The following CEACAM20 variants were observed in gnomAD, a reference collection of about 807,000 sequenced individuals.
The protein encoded by CEACAM20 is CEA cell adhesion molecule 20, also known as cell adhesion molecule CEACAM20.
A neutral mutation model predicts 61.2 loss-of-function variants in CEACAM20; 50 were observed. That is an observed-to-expected ratio of 0.82 (90% CI 0.65 to 1.03). The LOEUF is 1.03. Among genes scored for constraint, CEACAM20 ranks in the 50% least tolerant of loss-of-function variants. The probability of loss-of-function intolerance (pLI) is 0.00; values close to 1 mark genes in which losing one functional copy is unlikely to be tolerated. For missense variants in CEACAM20, 683 were observed against 736.4 expected (o/e 0.93, Z 0.84); for synonymous variants, 282 against 287.7 (o/e 0.98, Z 0.20).
rs1390879522 is a variant in CEACAM20 at position 44,524,038 on chromosome 19, A to G, written c.420T>C (p.Ala140=). ...REDSGTYQCE[A]RDALLSQRSD... is the part of the protein sequence containing the mutation. Reference sequence around the variant, plus strand: ...TCCTCTGGCTCAGAAGGGCATCTCGAGCTTCACATTGGTAAGTCCCTGAGT... The same window carrying G: ...TCCTCTGGCTCAGAAGGGCATCTCGGGCTTCACATTGGTAAGTCCCTGAGT... Residue 140 remains alanine, a synonymous_variant, in exon 3 of 12, where the codon GCT becomes GCC. Transcript: ENST00000614924. 16 of 1,559,098 alleles carry G rather than the reference A, an allele frequency of 1.0e-5. No individual in the cohort carries two copies. Among genetic ancestry groups the G allele is most frequent in the African/African-American group, 1.4e-5 (1 of 73,814 alleles).
intron 5 of CEACAM20, among the ~76,000 whole-genome samples, chr19:44,518,165 AG>A (rs1971244809): frequency 3.2e-5 from 1 of 31,578 alleles, no homozygotes; most frequent in Non-Finnish European, 8.6e-5. Context: ...GAAGGAAGGA[AG>A]GAAGAAAGCA....
chr19:44,511,942 C>G (rs1971012281), intron 9 of CEACAM20, 75 bp downstream of exon 9: 1 of 1,375,754 alleles, frequency 7.3e-7, no homozygotes. Context: ...ATCATGCCAG[C>G]CCCCACCCTA....
chr19:44,508,974 G>A (rs1970896077), intron 11 of CEACAM20, among the ~76,000 whole-genome samples: 1 of 152,124 alleles, frequency 6.6e-6, no homozygotes, highest in Non-Finnish European at 1.5e-5. Context: ...ATGTGGGGAA[G>A]TAAATATCAT....
rs1971486744 is a variant in CEACAM20, at chr19:44,525,086, T to C, written c.196+15A>G. ...GGCAGAGATCAGAATGACCGTCTTGTTTTCTGGCCCCTACCTCTGGATCTG... is the reference window on the plus strand; with the variant it reads ...GGCAGAGATCAGAATGACCGTCTTGCTTTCTGGCCCCTACCTCTGGATCTG... On this transcript the variant is annotated intron_variant, in intron 2 of 11. Coordinates refer to ENST00000614924, the MANE Select transcript of CEACAM20 (RefSeq NM_001102597.3). 6.2e-7 allele frequency: 1 copy of C among 1,608,646 alleles called. No homozygotes were observed. The highest frequency in any genetic ancestry group is 1.1e-5 in the South Asian group (1 of 90,064).
chr19:44,506,801 C>G (rs1218531795), intron 11 of CEACAM20, among the ~76,000 whole-genome samples: 1 of 152,200 alleles, frequency 6.6e-6, no homozygotes, highest in Non-Finnish European at 1.5e-5. Flanking sequence ...CTTTGACTGG[C>G]ACCTTGATTA....
At position 44,511,649 on chromosome 19, in the gene CEACAM20, C is replaced by T. The variant is rs1170823184; in HGVS notation, c.1599G>A (p.Glu533=). 6.2e-7 allele frequency: 1 copy of T among 1,612,806 alleles called. No homozygotes were observed. The highest frequency in any genetic ancestry group is 1.3e-5 in the African/African-American group (1 of 74,922). ...AGGGCCAATGTACCTCATAGGTCTCCTCTGGAAGGTCTGGTGGTTGCATCT... is the reference window on the plus strand; with the variant it reads ...AGGGCCAATGTACCTCATAGGTCTCTTCTGGAAGGTCTGGTGGTTGCATCT... The part of the protein sequence containing the change: ...VELMQPPDLP[E]ETYETKLPSA... The change falls in exon 10 of 12, where the codon GAG becomes GAA. Residue 533 remains glutamate (E), a synonymous_variant. Coordinates refer to ENST00000614924, the MANE Select transcript of CEACAM20 (RefSeq NM_001102597.3).
In CEACAM20 at chr19:44,520,568, A is replaced by G. The variant is rs1175072974; in HGVS notation, c.936T>C (p.His312=). 1.9e-6 allele frequency: 3 copies of G among 1,614,020 alleles called. No individual in the cohort carries two copies. The highest frequency in any genetic ancestry group is 2.2e-5 in the East Asian group (1 of 44,872). The change falls in exon 5 of 12, where the codon CAT becomes CAC. Residue 312 remains histidine (H), a synonymous_variant. Transcript: ENST00000614924. ...LSADNRTLII[H]GLQRNDTGPY... is the part of the protein sequence containing the mutation. ...GCCCGGTGTCATTCCGCTGGAGGCC[A>G]TGGATGATTAGGGTCCTGTTGTCAG...
chr19:44,529,354 GCACACACACACACACA>G (rs71940010), intron 1 of CEACAM20, 88 bp downstream of exon 1: 114 of 660,178 alleles, frequency 1.7e-4, no homozygotes, highest in African/African-American at 3.5e-4. Flanking sequence ...TTCCTCGAGT[GCACACACACACACACA>G]CACACACACA....
chr19:44,510,532 A>AAAGG lies in CEACAM20; in HGVS notation c.1737+494_1737+497dup, dbSNP rs1173856801. ...TGTCTCAAAAAAAAAAAGAAAGATG[A>AAAGG]AAGGAAGGAAGGAAGGAAAGAAAGA... On this transcript the variant is annotated intron_variant, in intron 11 of 11. Transcript: ENST00000614924. Among the ~76,000 whole-genome samples the AAAGG allele has an allele frequency of 6.5e-3, 670 of 103,638 alleles. 27 individuals are homozygous for AAAGG. Among genetic ancestry groups the AAAGG allele is most frequent in the African/African-American group, 0.014 (406 of 29,082 alleles). The allele number at this position is 103,638 out of a possible 152,430, so 68.0% of individuals were successfully genotyped here. A position where few individuals can be genotyped will look rare whatever the true frequency, so the allele number is the denominator to read the frequency against.
At chr19:44,526,675 G>A (rs1251480394) in intron 1 of CEACAM20, among the ~76,000 whole-genome samples, 1 of 151,876 alleles carries the variant, frequency 6.6e-6, no homozygotes, top group Non-Finnish European at 1.5e-5. Flanking sequence ...ACAAGAGTTC[G>A]AGACCTGGTC....
chr19:44,516,324 G>A (rs911446336), intron 6 of CEACAM20, among the ~76,000 whole-genome samples: 9 of 152,152 alleles, frequency 5.9e-5, no homozygotes, highest in Non-Finnish European at 1.0e-4. Context: ...TAGGCATCAC[G>A]ATATGATTTG....
intron 1 of CEACAM20, among the ~76,000 whole-genome samples, chr19:44,528,162 C>T (rs1313825256): frequency 1.0e-5 from 1 of 96,116 alleles, no homozygotes; most frequent in African/African-American, 3.2e-5. Flanking sequence ...TCTTTCTTTT[C>T]TTTCTTTCCT....
intron 1 of CEACAM20, among the ~76,000 whole-genome samples, chr19:44,528,298 G>A (rs186643188): frequency 1.5e-4 from 23 of 150,120 alleles, no homozygotes; most frequent in Admixed American, 1.1e-3. Context: ...GCACAATCTC[G>A]GTTCACTGCA....
Position 44,517,010 on chromosome 19 carries a change from G to A in CEACAM20, c.1245C>T (p.Asn415=), listed in dbSNP as rs766937689. 6.3e-7 allele frequency: 1 copy of A among 1,597,608 alleles called. No homozygotes were observed. The highest frequency in any genetic ancestry group is 1.1e-5 in the South Asian group (1 of 88,124). Reference sequence around the variant, plus strand: ...CAGTGAGAGAGTTGGAGGCTGTGCAGTTGTAGATCCCGTCGTGTTCCCAGG... The same window carrying A: ...CAGTGAGAGAGTTGGAGGCTGTGCAATTGTAGATCCCGTCGTGTTCCCAGG... The part of the protein sequence containing the change: ...ALTWEHDGIY[N]CTASNSLTGL... The change falls in exon 6 of 12, where the codon AAC becomes AAT. Residue 415 remains asparagine, a synonymous_variant. Coordinates refer to ENST00000614924, the MANE Select transcript of CEACAM20 (RefSeq NM_001102597.3).
In CEACAM20 at chr19:44,512,873, C is replaced by A. The variant is rs750338712; in HGVS notation, c.1508G>T (p.Ser503Ile). The A allele has an allele frequency of 3.1e-6, 5 of 1,613,372 alleles. No homozygotes were observed. Among genetic ancestry groups the A allele is most frequent in the Non-Finnish European group, 3.4e-6 (4 of 1,179,482 alleles). ...IPKEEHPTEP[S>I]SESLSPEYRN... ...GCCACCATAGAGTCACTTACCGGAA[C>A]TGGGCTCTGTGGGGTGCTCCTCCTT... The change falls in exon 8 of 12, where the codon AGT becomes ATT. Residue 503 changes from serine to isoleucine, a missense_variant. By Grantham distance (142) the Ser-to-Ile change is moderately radical. Transcript: ENST00000614924.
rs1971649874 is a variant in CEACAM20 at position 44,529,490 on chromosome 19, C to G, written c.20G>C (p.Trp7Ser). Reference sequence around the variant, plus strand: ...CAGGATTCCCATCCAGTGGTGTCCCCATGAGTCAGCAGGCCCCATGGGTCC... The same window carrying G: ...CAGGATTCCCATCCAGTGGTGTCCCGATGAGTCAGCAGGCCCCATGGGTCC... MGPADS[W>S]GHHWMGILLS... The change falls in exon 1 of 12, where the codon TGG becomes TCG. Residue 7 changes from tryptophan (W) to serine (S), a missense_variant. Transcript: ENST00000614924. 3 of 1,613,794 alleles carry G rather than the reference C, an allele frequency of 1.9e-6. No individual in the cohort carries two copies. In the East Asian group the frequency reaches 6.7e-5, roughly 36 times the overall value.
chr19:44,509,773 TG>T (rs1970918168), intron 11 of CEACAM20, among the ~76,000 whole-genome samples: 1 of 147,278 alleles, frequency 6.8e-6, no homozygotes, highest in Admixed American at 6.8e-5. Context: ...AGAAAGTGAA[TG>T]GAAAAGAAAG....
intron 2 of CEACAM20, among the ~76,000 whole-genome samples, chr19:44,524,571 G>A (rs1157847716): frequency 6.6e-6 from 1 of 152,034 alleles, no homozygotes; most frequent in East Asian, 1.9e-4. Flanking sequence ...GCCAGCAAGG[G>A]CCCCCTACCC....
chr19:44,523,041 G>A (rs1461235291), intron 3 of CEACAM20, 129 bp from the exon 4 acceptor site: 5 of 779,768 alleles, frequency 6.4e-6, no homozygotes, highest in Non-Finnish European at 8.2e-6. Context: ...AATTGCAAAC[G>A]AGGTACAGCA....
Sources: gnomAD v4.1 joint callset for allele counts (sites outside exome capture counted in the v4.1 genomes callset) on GRCh38, gnomAD v4.1.1 for gene constraint, MANE v1.5 for transcripts, NCBI Gene and HGNC (gene_info 2026-07-23, HGNC 2026-07-21) for gene names.